The following TATDN2 variants were observed in gnomAD, a reference collection of about 807,000 sequenced individuals.
The protein encoded by TATDN2 is TatD DNase domain containing 2, also known as 3'-5' RNA nuclease TATDN2.
TATDN2 carries 44 observed loss-of-function variants against 60.3 expected under a neutral mutation model. The ratio of observed to expected loss-of-function variants is 0.73; its 90% CI spans 0.57 to 0.94. The LOEUF is 0.94. TATDN2 is among the 40% of genes least tolerant of loss of function. The probability of loss-of-function intolerance (pLI) is 0.00; values close to 1 mark genes in which losing one functional copy is unlikely to be tolerated. For synonymous variants in TATDN2, 399 were observed against 355.8 expected (o/e 1.12, Z -1.37); for missense variants, 997 against 948.0 (o/e 1.05, Z -0.68).
At position 10,278,455 on chromosome 3, in the gene TATDN2, C is replaced by G. The variant is rs749573692; in HGVS notation, c.2138C>G (p.Pro713Arg). ...GAAACGGATGCTCCCTATTTCCTCC[C>G]TCGCCAGGTAAGGGGGTCTTCAGGC... Reference protein sequence around the residue: ...IVETDAPYFLPRQVPKSLCQY... With the variant: ...IVETDAPYFLRRQVPKSLCQY... Residue 713 changes from proline (P) to arginine (R), a missense_variant, in exon 6 of 8, where the codon CCT becomes CGT. Transcript: ENST00000448281. This position sits in a 1 kb window ranked among gnomAD's most constrained non-coding sequence, Gnocchi z 4.7. The G allele has an allele frequency of 4.3e-6, 7 of 1,611,416 alleles. No individual in the cohort carries two copies. The highest frequency in any genetic ancestry group is 5.9e-6 in the Non-Finnish European group (7 of 1,177,984).
rs776498122 is a variant in TATDN2, at chr3:10,270,298, T to A, written c.1116T>A (p.Pro372=). 2.5e-6 allele frequency: 4 copies of A among 1,614,064 alleles called. No individual in the cohort carries two copies. The highest frequency in any genetic ancestry group is 3.4e-6 in the Non-Finnish European group (4 of 1,180,040). The change falls in exon 4 of 8, where the codon CCT becomes CCA. Residue 372 remains proline, a synonymous_variant. Transcript: ENST00000448281. ...CCACCGACTATGTCATGTACCCTCC[T>A]CATTTGTACAGTAGTCCTTGGTGTG... ...SFTTDYVMYP[P]HLYSSPWCDY...
chr3:10,263,495 TC>T (rs1214380553), intron 3 of TATDN2, among the ~76,000 whole-genome samples: 7 of 152,198 alleles, frequency 4.6e-5, no homozygotes, highest in Non-Finnish European at 4.4e-5. Context: ...CTCCCTTGTT[TC>T]TAGCCAATTT....
At chr3:10,260,116 A>T in intron 2 of TATDN2, 21 bp from the exon 3 acceptor site, 1 of 1,590,868 alleles carries the variant, frequency 6.3e-7, no homozygotes, top group Non-Finnish European at 8.5e-7. Flanking sequence ...AGCCCTTTCA[A>T]TTCTGTTTTT....
At chr3:10,271,473 C>T (rs1056570830) in intron 4 of TATDN2, among the ~76,000 whole-genome samples, 2 of 151,560 alleles carry the variant, frequency 1.3e-5, no homozygotes, top group African/African-American at 4.9e-5. Flanking sequence ...ATCACTACAC[C>T]CGGCTAATTT....
chr3:10,261,530 C>T (rs933227909), intron 3 of TATDN2, among the ~76,000 whole-genome samples: 13 of 152,092 alleles, frequency 8.5e-5, no homozygotes, highest in South Asian at 6.2e-4. Context: ...GCCACCAAAC[C>T]GGCTAATTTT....
chr3:10,257,452 G>A (rs536336399), intron 2 of TATDN2, among the ~76,000 whole-genome samples: 18 of 150,610 alleles, frequency 1.2e-4, no homozygotes, highest in Non-Finnish European at 1.6e-4. Context: ...CCAACATGGC[G>A]AAACCCCGTC....
intron 2 of TATDN2, among the ~76,000 whole-genome samples, chr3:10,257,597 C>CAAA (rs1196293139): frequency 1.3e-4 from 9 of 69,140 alleles, no homozygotes; most frequent in South Asian, 3.5e-4. Context: ...CCACTGTCTC[C>CAAA]AAAAAAAAAA....
chr3:10,263,671 A>G (rs560051719), intron 3 of TATDN2, among the ~76,000 whole-genome samples: 13 of 152,012 alleles, frequency 8.6e-5, no homozygotes, highest in African/African-American at 2.9e-4. Context: ...TAGGGAGTTC[A>G]TGGTAGTTTT....
chr3:10,262,486 T>A (rs1035414638), intron 3 of TATDN2, among the ~76,000 whole-genome samples: 1 of 151,988 alleles, frequency 6.6e-6, no homozygotes, highest in Non-Finnish European at 1.5e-5. Context: ...TGGAAATTGT[T>A]TTGTTTGGGA....
chr3:10,257,611 A>C (rs866915755), intron 2 of TATDN2, among the ~76,000 whole-genome samples: 2 of 147,702 alleles, frequency 1.4e-5, no homozygotes, highest in African/African-American at 2.5e-5. Context: ...AAAAAAAAAA[A>C]CAAAAAAAAA....
chr3:10,278,231 G>A lies in TATDN2; in HGVS notation c.1962-48G>A, dbSNP rs1013402780. The A allele has an allele frequency of 7.6e-6, 12 of 1,581,186 alleles. No homozygotes were observed. Among genetic ancestry groups the A allele is most frequent in the Non-Finnish European group, 1.0e-5 (12 of 1,158,320 alleles). On this transcript the variant is annotated intron_variant, in intron 5 of 7. Transcript: ENST00000448281. The surrounding 1 kb of genome is among the most constrained non-coding windows in gnomAD (Gnocchi z 4.7). Reference sequence around the variant, plus strand: ...ATGGGTGTGGGGGGAGCTGGGGGCTGCTGCAGAGGGGACTGTGAGCAGCCC... The same window carrying A: ...ATGGGTGTGGGGGGAGCTGGGGGCTACTGCAGAGGGGACTGTGAGCAGCCC...
chr3:10,271,120 C>A, intron 4 of TATDN2, 105 bp downstream of exon 4: 1 of 1,416,174 alleles, frequency 7.1e-7, no homozygotes, highest in Admixed American at 2.6e-5. Context: ...AATTGAGAAT[C>A]CCTGAAAACG....
chr3:10,260,137 G>A lies in TATDN2; in HGVS notation c.415G>A (p.Val139Ile), dbSNP rs780701214. ...SLEEEACSLK[V>I]DSKDSSHNST... ...TTCAATTCTGTTTTTTTTTTCCCAG[G>A]TTGATTCCAAAGATAGTTCTCATAA... The change falls in exon 3 of 8, where the codon GTT (valine) becomes ATT (isoleucine). Residue 139 changes from valine to isoleucine, a missense_variant and splice_region_variant. Transcript: ENST00000448281. The A allele has an allele frequency of 2.3e-5, 37 of 1,593,376 alleles. No individual in the cohort carries two copies. Among genetic ancestry groups the A allele is most frequent in the African/African-American group, 4.1e-5 (3 of 73,152 alleles).
intron 2 of TATDN2, among the ~76,000 whole-genome samples, chr3:10,256,243 G>A (rs1049422016): frequency 2.6e-5 from 4 of 151,928 alleles, no homozygotes; most frequent in Non-Finnish European, 5.9e-5. Flanking sequence ...GCACAAGCTC[G>A]GCTTACTGTG....
chr3:10,274,836 C>T (rs1214475409), intron 4 of TATDN2, among the ~76,000 whole-genome samples: 3 of 152,108 alleles, frequency 2.0e-5, no homozygotes, highest in Non-Finnish European at 2.9e-5. Context: ...AGGTGTTAGA[C>T]TTGTAAATAT....
intron 3 of TATDN2, among the ~76,000 whole-genome samples, chr3:10,265,003 AT>A (rs1265154232): frequency 2.8e-3 from 128 of 45,820 alleles, no homozygotes; most frequent in Admixed American, 3.9e-3. Flanking sequence ...GTTTATGTTG[AT>A]TTTTTTTTTT....
At chr3:10,257,687 A>G (rs1332630074) in intron 2 of TATDN2, among the ~76,000 whole-genome samples, 3 of 151,538 alleles carry the variant, frequency 2.0e-5, no homozygotes, top group Non-Finnish European at 4.4e-5. Context: ...AAATACAGAA[A>G]GTAAGAAAAT....
chr3:10,263,710 GCTT>G (rs1234986162), intron 3 of TATDN2, among the ~76,000 whole-genome samples: 3 of 152,010 alleles, frequency 2.0e-5, no homozygotes, highest in Non-Finnish European at 4.4e-5. Context: ...TCTTTAAGTT[GCTT>G]CTTTCCGTTT....
intron 5 of TATDN2, among the ~76,000 whole-genome samples, chr3:10,277,044 C>A (rs139019570): frequency 6.6e-6 from 1 of 152,112 alleles, no homozygotes; most frequent in East Asian, 1.9e-4. Context: ...CCTTTTGTGC[C>A]CCCATCCTGG....
Sources: allele counts gnomAD v4.1 joint callset (sites outside exome capture counted in the v4.1 genomes callset), GRCh38; gene constraint gnomAD v4.1.1; non-coding constraint Gnocchi (gnomAD v3.1); transcripts MANE v1.5; gene names NCBI Gene and HGNC (gene_info 2026-07-23, HGNC 2026-07-21).